Variants in SULF1 observed in about 807,000 individuals in gnomAD.
SULF1 encodes sulfatase 1.
SULF1 carries 46 observed loss-of-function variants against 110.5 expected under a neutral mutation model. The observed-to-expected ratio is 0.42, with a 90% CI of 0.33 to 0.53. The LOEUF (loss-of-function observed/expected upper bound fraction) is 0.53, where lower values mean the gene tolerates loss of function less well. Ranked by LOEUF, SULF1 falls within the 20% of genes least tolerant of loss-of-function variation. The pLI is 0.12. For synonymous variants in SULF1, 371 were observed against 387.1 expected, an observed-to-expected ratio of 0.96 and a Z score of 0.49; for missense variants, 941 against 1,094.2, an observed-to-expected ratio of 0.86 and a Z score of 1.98.
intron 3 of SULF1, among the ~76,000 whole-genome samples, chr8:69,508,285 G>T (rs1413439457): frequency 6.6e-6 from 1 of 151,936 alleles, no homozygotes; most frequent in Non-Finnish European, 1.5e-5. Flanking sequence ...TTGTATTTTT[G>T]GTAGAGACGG....
chr8:69,586,266 G>A lies in SULF1; in HGVS notation c.413-91G>A, dbSNP rs2241882. ...TACCTAGGGCAACTTTTGTTTTACC[G>A]TCTCTTTTTCAAGTCATAATTTTAT... On this transcript the variant is annotated intron_variant, in intron 6 of 22. Coordinates refer to ENST00000402687, the MANE Select transcript of SULF1 (RefSeq NM_001128205.2). 0.45 allele frequency: 608,208 copies of A among 1,344,940 alleles called. 141,028 individuals carry two copies. The highest frequency in any genetic ancestry group is 0.53 in the South Asian group (32,438 of 61,106). The allele number at this position is 1,344,940 out of a possible 1,614,324, so 83.3% of individuals were successfully genotyped here. A position where few individuals can be genotyped will look rare whatever the true frequency, so the allele number is the denominator to read the frequency against.
At chr8:69,653,214 C>T (rs947553779) in intron 22 of SULF1, among the ~76,000 whole-genome samples, 1 of 152,074 alleles carries the variant, frequency 6.6e-6, no homozygotes, top group Admixed American at 6.6e-5. Context: ...GGATTACAGG[C>T]GTGTGCCACC....
intron 3 of SULF1, among the ~76,000 whole-genome samples, chr8:69,561,159 A>T (rs942327326): frequency 5.9e-5 from 9 of 152,254 alleles, no homozygotes; most frequent in Non-Finnish European, 1.2e-4. Context: ...TAAGCATGTG[A>T]GGAGATAGAC....
rs1479995596 is a variant in SULF1, at chr8:69,604,913, C to T, written c.1358C>T (p.Ala453Val). The change falls in exon 13 of 23, where the codon GCC (alanine) becomes GTC (valine). Residue 453 changes from alanine (A) to valine (V), a missense_variant. By Grantham distance (64) the Ala-to-Val change is moderately conservative. Transcript: ENST00000402687. ...ELCQQARYQT[A>V]CEQPGQKWQC... ...TGCCAGCAGGCCAGGTACCAGACAG[C>T]CTGTGAACAACCGGGGCAGGTGAGT... 2 of 1,614,052 alleles carry T rather than the reference C, an allele frequency of 1.2e-6. No homozygotes were observed. Among genetic ancestry groups the T allele is most frequent in the African/African-American group, 1.3e-5 (1 of 74,932 alleles).
chr8:69,555,000 A>AAC (rs1740679391), intron 3 of SULF1, among the ~76,000 whole-genome samples: 16 of 31,784 alleles, frequency 5.0e-4, no homozygotes, highest in African/African-American at 3.3e-3. Flanking sequence ...AAAAAAAAAC[A>AAC]AAAAAAAAAA....
At chr8:69,582,892 G>C (rs1282406398) in intron 6 of SULF1, among the ~76,000 whole-genome samples, 1 of 152,152 alleles carries the variant, frequency 6.6e-6, no homozygotes, top group Non-Finnish European at 1.5e-5. Context: ...TCATCTTGTG[G>C]TTCTATGTGA....
intron 3 of SULF1, among the ~76,000 whole-genome samples, chr8:69,535,075 G>A (rs1813346264): frequency 6.6e-6 from 1 of 152,220 alleles, no homozygotes; most frequent in Admixed American, 6.5e-5. Flanking sequence ...GCTCACAAAT[G>A]ATAATTCCAG....
chr8:69,555,225 G>A (rs1453575305), intron 3 of SULF1, among the ~76,000 whole-genome samples: 4 of 152,158 alleles, frequency 2.6e-5, no homozygotes, highest in Admixed American at 2.0e-4. Context: ...GTTTCCCAGA[G>A]CTTTCTTTCC....
At chr8:69,527,329 A>G (rs1276659812) in intron 3 of SULF1, among the ~76,000 whole-genome samples, 1 of 152,122 alleles carries the variant, frequency 6.6e-6, no homozygotes, top group Admixed American at 6.5e-5. Context: ...ATTCCTCCCT[A>G]CAAAGTCTTG....
chr8:69,610,324 T>C (rs1456109155), intron 13 of SULF1, among the ~76,000 whole-genome samples: 1 of 152,218 alleles, frequency 6.6e-6, no homozygotes, highest in East Asian at 1.9e-4. Flanking sequence ...CCGTATATCC[T>C]TCTGACCCTT....
intron 22 of SULF1, among the ~76,000 whole-genome samples, chr8:69,655,439 C>T (rs1333081587): frequency 6.6e-6 from 1 of 152,366 alleles, no homozygotes; most frequent in East Asian, 1.9e-4. Flanking sequence ...GTACTGATAA[C>T]ACCTATTGTG....
chr8:69,594,727 G>T (rs943633396), intron 8 of SULF1, among the ~76,000 whole-genome samples: 4 of 151,994 alleles, frequency 2.6e-5, no homozygotes, highest in African/African-American at 9.7e-5. Flanking sequence ...AAAAAAATCT[G>T]ATTTGGGCAG....
intron 5 of SULF1, among the ~76,000 whole-genome samples, chr8:69,573,033 G>T (rs914762490): frequency 3.9e-5 from 6 of 152,156 alleles, no homozygotes; most frequent in African/African-American, 1.4e-4. Flanking sequence ...TACCATGTCG[G>T]CCAGACTGGT....
chr8:69,497,599 T>C (rs1030110067), intron 2 of SULF1, among the ~76,000 whole-genome samples: 2 of 152,228 alleles, frequency 1.3e-5, no homozygotes, highest in African/African-American at 4.8e-5. Flanking sequence ...CAATTCACAG[T>C]TTAAAAATAT....
chr8:69,557,264 T>A (rs1815177657), intron 3 of SULF1, among the ~76,000 whole-genome samples: 1 of 152,232 alleles, frequency 6.6e-6, no homozygotes, highest in Non-Finnish European at 1.5e-5. Flanking sequence ...TGGTCACCAA[T>A]GACCATTATT....
intron 6 of SULF1, among the ~76,000 whole-genome samples, chr8:69,585,425 T>C: frequency 6.6e-6 from 1 of 152,164 alleles, no homozygotes; most frequent in Non-Finnish European, 1.5e-5. Flanking sequence ...AATGTCTTTT[T>C]CACTTCAAGA....
At chr8:69,468,238 T>C (rs112931877) in intron 1 of SULF1, among the ~76,000 whole-genome samples, 4 of 152,176 alleles carry the variant, frequency 2.6e-5, no homozygotes, top group African/African-American at 9.7e-5. Flanking sequence ...CTATGAATAA[T>C]ATTGTATATA....
chr8:69,519,705 T>C (rs543186614), intron 3 of SULF1, among the ~76,000 whole-genome samples: 2 of 152,316 alleles, frequency 1.3e-5, no homozygotes, highest in African/African-American at 4.8e-5. Context: ...TCTGCCTCTA[T>C]GCAAGCAAAA....
chr8:69,575,543 A>G (rs1805547737), intron 5 of SULF1, among the ~76,000 whole-genome samples: 1 of 152,138 alleles, frequency 6.6e-6, no homozygotes, highest in Non-Finnish European at 1.5e-5. Context: ...TTAAAATGCT[A>G]TAGTAGTAAT....
Sources: allele counts gnomAD v4.1 joint callset (sites outside exome capture counted in the v4.1 genomes callset), GRCh38; gene constraint gnomAD v4.1.1; transcripts MANE v1.5; gene names NCBI Gene and HGNC (gene_info 2026-07-23, HGNC 2026-07-21).